DLG2: variants seen among roughly 807,000 people sequenced by gnomAD.
DLG2 encodes the protein disks large homolog 2.
Under a neutral mutation model 132.5 loss-of-function variants are expected in DLG2, and 45 were observed. That is an observed-to-expected ratio of 0.34 (90% CI 0.27 to 0.44). The LOEUF (loss-of-function observed/expected upper bound fraction) is 0.44, where lower values mean the gene tolerates loss of function less well. DLG2 is among the 20% of genes least tolerant of loss of function. The pLI is 1.00. For missense variants in DLG2, 1,045 were observed against 1,196.9 expected (o/e 0.87, Z 1.87); for synonymous variants, 424 against 419.6 (o/e 1.01, Z -0.13).
intron 6 of DLG2, chr11:85,021,637 G>A: frequency 8.1e-7 from 1 of 1,235,222 alleles, no homozygotes; most frequent in Non-Finnish European, 1.2e-6. Flanking sequence ...TGTCTTGTTG[G>A]TAACGTTGCT....
At chr11:85,514,203 C>T (rs921039730) in intron 3 of DLG2, among the ~76,000 whole-genome samples, 5 of 151,882 alleles carry the variant, frequency 3.3e-5, no homozygotes, top group Non-Finnish European at 7.4e-5. Context: ...GTCTTTAATC[C>T]TCACATCAAC....
chr11:84,300,845 T>A (rs1474389957), intron 7 of DLG2, among the ~76,000 whole-genome samples: 1 of 152,222 alleles, frequency 6.6e-6, no homozygotes, highest in Non-Finnish European at 1.5e-5. Context: ...GTTCATACAC[T>A]CTTCAAATGG....
At chr11:84,847,791 G>T (rs544268061) in intron 6 of DLG2, among the ~76,000 whole-genome samples, 1 of 152,150 alleles carries the variant, frequency 6.6e-6, no homozygotes, top group Non-Finnish European at 1.5e-5. Context: ...ACAGACCTCA[G>T]ATTCTAATCC....
chr11:84,854,583 A>C (rs73516917), intron 6 of DLG2, among the ~76,000 whole-genome samples: 1 of 151,918 alleles, frequency 6.6e-6, no homozygotes, highest in African/African-American at 2.4e-5. Flanking sequence ...AGTTAACCCA[A>C]ATCTTTGTTC....
At chr11:84,893,092 G>C (rs2089661760) in intron 6 of DLG2, among the ~76,000 whole-genome samples, 2 of 152,198 alleles carry the variant, frequency 1.3e-5, no homozygotes, top group African/African-American at 4.8e-5. Context: ...AAAATTTTAA[G>C]CGCTTAGCAT....
chr11:84,971,839 C>T (rs2054143372), intron 6 of DLG2, among the ~76,000 whole-genome samples: 1 of 151,872 alleles, frequency 6.6e-6, no homozygotes, highest in Non-Finnish European at 1.5e-5. Flanking sequence ...AAGCTTTTGG[C>T]TTTGTGATAA....
chr11:84,669,186 G>A (rs975853751), intron 6 of DLG2, among the ~76,000 whole-genome samples: 4 of 152,006 alleles, frequency 2.6e-5, no homozygotes, highest in Non-Finnish European at 4.4e-5. Flanking sequence ...AGGGGAGTTG[G>A]GGTCTGGCAC....
At chr11:83,770,367 G>T (rs922284318) in intron 18 of DLG2, among the ~76,000 whole-genome samples, 1 of 151,200 alleles carries the variant, frequency 6.6e-6, no homozygotes, top group Admixed American at 6.6e-5. Context: ...GAAAGTAAAG[G>T]TGTGTTAAGT....
intron 6 of DLG2, among the ~76,000 whole-genome samples, chr11:84,933,180 A>G (rs2048303779): frequency 6.6e-6 from 1 of 152,052 alleles, no homozygotes; most frequent in African/African-American, 2.4e-5. Flanking sequence ...GAAGATCAGT[A>G]GGTGTTCAGT....
At chr11:85,012,139 T>TCCATTTCTACTAAAAATAC (rs1566644270) in intron 6 of DLG2, among the ~76,000 whole-genome samples, 1 of 80,768 alleles carries the variant, frequency 1.2e-5, no homozygotes, top group South Asian at 3.7e-4. Context: ...CTGACCAACA[T>TCCATTTCTACTAAAAATAC]AATCTATGTG....
chr11:85,255,579 C>T (rs2076626239), intron 4 of DLG2, among the ~76,000 whole-genome samples: 1 of 152,216 alleles, frequency 6.6e-6, no homozygotes, highest in Non-Finnish European at 1.5e-5. Context: ...ACATCTTTCA[C>T]TATTCTATGC....
intron 6 of DLG2, chr11:84,923,184 C>G (rs568901762): frequency 2.5e-5 from 41 of 1,609,864 alleles, no homozygotes; most frequent in East Asian, 4.5e-5. Flanking sequence ...CCCACACACA[C>G]GATCCTGGGC....
At chr11:84,126,031 A>G (rs1308787674) in intron 9 of DLG2, among the ~76,000 whole-genome samples, 1 of 152,044 alleles carries the variant, frequency 6.6e-6, no homozygotes, top group Non-Finnish European at 1.5e-5. Flanking sequence ...TAAAAATTGC[A>G]TTTTTACTTT....
intron 17 of DLG2, among the ~76,000 whole-genome samples, chr11:83,822,607 G>A (rs2051140459): frequency 6.6e-6 from 1 of 152,170 alleles, no homozygotes; most frequent in Admixed American, 6.5e-5. Flanking sequence ...AACGTGTAAG[G>A]TGCATGGAGA....
At chr11:84,022,569 T>G (rs931932500) in intron 11 of DLG2, among the ~76,000 whole-genome samples, 5 of 152,186 alleles carry the variant, frequency 3.3e-5, no homozygotes, top group Non-Finnish European at 7.4e-5. Context: ...TTCTTCATTC[T>G]CTTCTCCAAA....
chr11:85,483,940 T>C (rs1597791349), intron 3 of DLG2, among the ~76,000 whole-genome samples: 1 of 149,538 alleles, frequency 6.7e-6, no homozygotes, highest in South Asian at 2.1e-4. Flanking sequence ...TTTATTAAGG[T>C]ATATACAATA....
chr11:85,519,728 C>T lies in DLG2; in HGVS notation c.40+78929G>A, dbSNP rs1040800308. On this transcript the variant is annotated intron_variant, in intron 3 of 27. Coordinates refer to ENST00000376104, the MANE Select transcript of DLG2 (RefSeq NM_001142699.3). Reference sequence around the variant, plus strand: ...GGTGGAATAATATGGTTTGGCTCATCCAAATCTCATCTTGAATTCCCACGT... The same window carrying T: ...GGTGGAATAATATGGTTTGGCTCATTCAAATCTCATCTTGAATTCCCACGT... Among the ~76,000 whole-genome samples, 44 of 152,048 alleles carry T rather than the reference C, an allele frequency of 2.9e-4. 1 individual carries two copies. The highest frequency in any genetic ancestry group is 9.4e-4 in the African/African-American group (39 of 41,414).
intron 7 of DLG2, among the ~76,000 whole-genome samples, chr11:84,515,647 T>C (rs142288944): frequency 0.014 from 2,074 of 151,938 alleles, 22 homozygotes; most frequent in Non-Finnish European, 0.021. Flanking sequence ...TAGGAGACTT[T>C]ATCACCCCAC....
chr11:84,089,843 C>G (rs2097059004), intron 10 of DLG2, among the ~76,000 whole-genome samples: 1 of 152,162 alleles, frequency 6.6e-6, no homozygotes, highest in Admixed American at 6.5e-5. Context: ...CTGCCTGTTT[C>G]TACATGGTGC....
Sources: gnomAD v4.1 joint callset for allele counts (sites outside exome capture counted in the v4.1 genomes callset) on GRCh38, gnomAD v4.1.1 for gene constraint, MANE v1.5 for transcripts, NCBI Gene and HGNC (gene_info 2026-07-23, HGNC 2026-07-21) for gene names.